The following CDC42BPA variants were observed in gnomAD, a reference collection of about 807,000 sequenced individuals.
The protein encoded by CDC42BPA is CDC42 binding protein kinase alpha.
CDC42BPA carries 80 observed loss-of-function variants against 223.5 expected under a neutral mutation model. The observed-to-expected ratio is 0.36, with a 90% CI of 0.30 to 0.43. The LOEUF is 0.43. CDC42BPA is among the 20% of genes least tolerant of loss of function. The pLI, the probability that CDC42BPA is intolerant of heterozygous loss-of-function variation, is 1.00. For missense variants in CDC42BPA, 1,743 were observed against 2,099.9 expected (o/e 0.83, Z 3.32); for synonymous variants, 694 against 718.6 (o/e 0.97, Z 0.55).
At chr1:227,054,966 T>C (rs1156721536) in intron 21 of CDC42BPA, among the ~76,000 whole-genome samples, 1 of 151,860 alleles carries the variant, frequency 6.6e-6, no homozygotes, top group Non-Finnish European at 1.5e-5. Context: ...TAAGTGAAAA[T>C]ACTGAAATAT....
chr1:227,276,381 C>A (rs1687037147), intron 1 of CDC42BPA, among the ~76,000 whole-genome samples: 1 of 151,834 alleles, frequency 6.6e-6, no homozygotes, highest in South Asian at 2.1e-4. Context: ...AGCCCCTCCG[C>A]CCAGCAGCCG....
intron 6 of CDC42BPA, among the ~76,000 whole-genome samples, chr1:227,148,222 A>G (rs762923772): frequency 2.0e-5 from 3 of 152,262 alleles, no homozygotes; most frequent in Non-Finnish European, 1.5e-5. Flanking sequence ...TGGGAAGCCA[A>G]TGTGGGAGAA....
chr1:227,079,713 G>A (rs1407938770), intron 17 of CDC42BPA, among the ~76,000 whole-genome samples: 1 of 151,878 alleles, frequency 6.6e-6, no homozygotes, highest in Non-Finnish European at 1.5e-5. Flanking sequence ...AGCATTAAGA[G>A]CTCTTAATGG....
chr1:227,082,026 GC>G (rs1350570504), intron 16 of CDC42BPA, among the ~76,000 whole-genome samples: 1 of 151,810 alleles, frequency 6.6e-6, no homozygotes, highest in Non-Finnish European at 1.5e-5. Context: ...CAGCTTAATG[GC>G]TGGATATATG....
intron 1 of CDC42BPA, among the ~76,000 whole-genome samples, chr1:227,263,363 A>T (rs1684425707): frequency 1.3e-5 from 2 of 152,168 alleles, no homozygotes; most frequent in South Asian, 4.1e-4. Flanking sequence ...CCTCCAAACA[A>T]CTGGAAATTT....
intron 16 of CDC42BPA, among the ~76,000 whole-genome samples, chr1:227,082,565 A>C (rs949501986): frequency 1.3e-5 from 2 of 151,814 alleles, no homozygotes; most frequent in African/African-American, 2.4e-5. Context: ...ATAAAAAAAA[A>C]TTAGCCAGAC....
Position 227,317,471 on chromosome 1 carries a change from ATAAT to A in CDC42BPA, c.-293_-290del. The A allele has an allele frequency of 2.5e-6, 1 of 399,704 alleles. No individual in the cohort carries two copies. Among genetic ancestry groups the A allele is most frequent in the Non-Finnish European group, 4.4e-6 (1 of 227,208 alleles). 24.8% of individuals were successfully genotyped at this position (399,704 alleles called of 1,614,324 possible). A position where few individuals can be genotyped will look rare whatever the true frequency, so the allele number is the denominator to read the frequency against. On this transcript the variant is annotated 5_prime_UTR_variant, in exon 1 of 37. Coordinates refer to ENST00000366766, the MANE Select transcript of CDC42BPA (RefSeq NM_001394014.1). Reference sequence around the variant, plus strand: ...TTAAGTCGTATATTTAAATAAAATAATAATTAAAAGTACAACGAACTAGAGAGTC... The same window carrying A: ...TTAAGTCGTATATTTAAATAAAATAATAAAAGTACAACGAACTAGAGAGTC...
chr1:227,155,976 T>C (rs893748721), intron 6 of CDC42BPA, among the ~76,000 whole-genome samples: 9 of 152,034 alleles, frequency 5.9e-5, no homozygotes, highest in Non-Finnish European at 1.2e-4. Context: ...AATATGGTTA[T>C]GGGAAATATG....
At position 226,994,000 on chromosome 1, in the gene CDC42BPA, T is replaced by G; in HGVS notation, c.*268A>C. On this transcript the variant is annotated 3_prime_UTR_variant, in exon 37 of 37. Transcript: ENST00000366766. ...TTTAAGCTACCTTTGGGAGTAGGGG[T>G]AAAATGTTACTGAAAGCAACTCTAA... is the stretch of plus-strand genomic sequence containing the variant. The G allele has an allele frequency of 2.6e-6, 1 of 382,002 alleles. No individual in the cohort carries two copies. Among genetic ancestry groups the G allele is most frequent in the Non-Finnish European group, 4.8e-6 (1 of 208,018 alleles). 23.7% of individuals were successfully genotyped at this position (382,002 alleles called of 1,614,324 possible).
intron 1 of CDC42BPA, among the ~76,000 whole-genome samples, chr1:227,269,824 T>C (rs1335334151): frequency 6.6e-6 from 1 of 152,160 alleles, no homozygotes; most frequent in Non-Finnish European, 1.5e-5. Context: ...AAAAGACTGA[T>C]AATACTCTGT....
intron 13 of CDC42BPA, 52 bp downstream of exon 13, chr1:227,112,619 G>C: frequency 6.7e-7 from 1 of 1,499,824 alleles, no homozygotes; most frequent in South Asian, 1.4e-5. Flanking sequence ...GTCTCAAAAA[G>C]CAGCTTTAAT....
intron 1 of CDC42BPA, among the ~76,000 whole-genome samples, chr1:227,281,977 G>A (rs1688080714): frequency 6.6e-6 from 1 of 152,052 alleles, no homozygotes; most frequent in Admixed American, 6.5e-5. Context: ...ATCACTTGAG[G>A]TCGGGAGTTC....
intron 2 of CDC42BPA, among the ~76,000 whole-genome samples, chr1:227,239,108 C>A (rs1322216255): frequency 6.6e-6 from 1 of 152,118 alleles, no homozygotes; most frequent in Non-Finnish European, 1.5e-5. Context: ...AAGAAAAGAG[C>A]TATCAAGCCA....
chr1:227,108,529 T>C (rs1037293298), intron 14 of CDC42BPA, among the ~76,000 whole-genome samples: 2 of 152,174 alleles, frequency 1.3e-5, no homozygotes, highest in Non-Finnish European at 1.5e-5. Context: ...ATGTGGTCTA[T>C]CCTGGAGAAT....
intron 2 of CDC42BPA, among the ~76,000 whole-genome samples, chr1:227,227,167 G>A (rs1677004232): frequency 6.6e-6 from 1 of 152,022 alleles, no homozygotes; most frequent in African/African-American, 2.4e-5. Context: ...TAATATTAAT[G>A]AAGTAGGATA....
rs1476040215 is a variant in CDC42BPA, at chr1:226,993,984, C to A, written c.*284G>T. On this transcript the variant is annotated 3_prime_UTR_variant, in exon 37 of 37. Coordinates refer to ENST00000366766, the MANE Select transcript of CDC42BPA (RefSeq NM_001394014.1). ...TTGTGTAATCTGTCTATTTAAGCTACCTTTGGGAGTAGGGGTAAAATGTTA... is the reference window on the plus strand; with the variant it reads ...TTGTGTAATCTGTCTATTTAAGCTAACTTTGGGAGTAGGGGTAAAATGTTA... The A allele has an allele frequency of 1.2e-5, 4 of 332,314 alleles. No homozygotes were observed. The highest frequency in any genetic ancestry group is 2.2e-5 in the African/African-American group (1 of 46,380). 20.6% of individuals were successfully genotyped at this position (332,314 alleles called of 1,614,324 possible).
At chr1:227,077,867 A>G (rs941343100) in intron 17 of CDC42BPA, among the ~76,000 whole-genome samples, 20 of 152,132 alleles carry the variant, frequency 1.3e-4, no homozygotes, top group African/African-American at 4.1e-4. Flanking sequence ...CTTGCCCTTC[A>G]TTTGTAAATA....
At chr1:227,041,256 T>C (rs1221138629) in intron 23 of CDC42BPA, among the ~76,000 whole-genome samples, 2 of 152,178 alleles carry the variant, frequency 1.3e-5, no homozygotes, top group Non-Finnish European at 2.9e-5. Context: ...ATTACCCAGG[T>C]ACTGAGCACA....
intron 2 of CDC42BPA, among the ~76,000 whole-genome samples, chr1:227,217,721 CT>C (rs1401722804): frequency 2.6e-5 from 4 of 152,142 alleles, no homozygotes; most frequent in Non-Finnish European, 4.4e-5. Flanking sequence ...TACTCTCCCC[CT>C]GGTTCACTAT....
Sources: gnomAD v4.1 joint callset for allele counts (sites outside exome capture counted in the v4.1 genomes callset) on GRCh38, gnomAD v4.1.1 for gene constraint, MANE v1.5 for transcripts, NCBI Gene and HGNC (gene_info 2026-07-23, HGNC 2026-07-21) for gene names.